The following RSAD2 variants were observed in gnomAD, a reference collection of about 807,000 sequenced individuals.
RSAD2 encodes the protein S-adenosylmethionine-dependent nucleotide dehydratase RSAD2.
A neutral mutation model predicts 37.7 loss-of-function variants in RSAD2; 38 were observed. That is an observed-to-expected ratio of 1.01 (90% confidence interval 0.78 to 1.32). RSAD2 has a LOEUF of 1.32. Among genes scored for constraint, RSAD2 ranks in the 40% most tolerant of loss-of-function variants. RSAD2 has a pLI of 0.00. For missense variants in RSAD2, 428 were observed against 437.5 expected (o/e 0.98, Z 0.19); for synonymous variants, 163 against 157.4 (o/e 1.04, Z -0.27).
chr2:6,885,992 G>T (rs570540590), intron 2 of RSAD2, among the ~76,000 whole-genome samples: 3 of 152,322 alleles, frequency 2.0e-5, no homozygotes, highest in East Asian at 3.9e-4. Flanking sequence ...CCCAAAATAG[G>T]AGTTAAAATG....
chr2:6,890,110 A>G, intron 3 of RSAD2, 66 bp from the exon 4 acceptor site: 1 of 1,489,408 alleles, frequency 6.7e-7, no homozygotes, highest in African/African-American at 1.4e-5. Context: ...GAAAAGGGGG[A>G]GTGAGGTTTG....
rs1159541837 is a variant in RSAD2, at chr2:6,896,646, A to G, written c.*704A>G. The G allele has an allele frequency of 1.3e-5, 2 of 152,142 alleles. No homozygotes were observed. Among genetic ancestry groups the G allele is most frequent in the Non-Finnish European group, 2.9e-5 (2 of 68,056 alleles). 9.4% of individuals were successfully genotyped at this position (152,142 alleles called of 1,614,324 possible). The stretch of plus-strand genomic sequence containing the variant: ...GATATGATAATCCTACCAATTTTCA[A>G]GAAGTCTCTAGAAAGAGATAACACA... On this transcript the variant is annotated 3_prime_UTR_variant, in exon 6 of 6. Transcript: ENST00000382040.
At chr2:6,890,137 A>G (rs1191624245) in intron 3 of RSAD2, 39 bp from the exon 4 acceptor site, 1 of 1,604,154 alleles carries the variant, frequency 6.2e-7, no homozygotes, top group African/African-American at 1.3e-5. Flanking sequence ...AACACGATGG[A>G]AAGCTCTCTG....
At chr2:6,890,367 C>T (rs1663605726) in intron 4 of RSAD2, 42 bp downstream of exon 4, 1 of 1,598,154 alleles carries the variant, frequency 6.3e-7, no homozygotes, top group South Asian at 1.1e-5. Flanking sequence ...ATCATACATT[C>T]AGATTGATTC....
chr2:6,890,174 A>G lies in RSAD2; in HGVS notation c.739-2A>G. On this transcript the variant is annotated splice_acceptor_variant, in intron 3 of 5. Transcript: ENST00000382040. LOFTEE classifies it high-confidence loss of function. The stretch of plus-strand genomic sequence containing the variant: ...AAAGCAAACACTACCATTGCCTTTC[A>G]GGTGTTCCAGTGCCTCTTAATTGAG... The G allele has an allele frequency of 6.2e-7, 1 of 1,613,972 alleles. No homozygotes were observed. Among genetic ancestry groups the G allele is most frequent in the South Asian group, 1.1e-5 (1 of 91,052 alleles).
chr2:6,887,741 G>C (rs575624716), intron 3 of RSAD2, among the ~76,000 whole-genome samples: 2 of 152,168 alleles, frequency 1.3e-5, no homozygotes. Flanking sequence ...TTGACTGCTC[G>C]TCAGAAGCAA....
rs372107844 is a variant in RSAD2, at chr2:6,895,850, G to A, written c.994G>A (p.Ala332Thr). The change falls in exon 6 of 6, where the codon GCT becomes ACT. Residue 332 changes from alanine to threonine, a missense_variant. Physicochemically the swap from Ala to Thr is moderately conservative, Grantham distance 58. Coordinates refer to ENST00000382040, the MANE Select transcript of RSAD2 (RefSeq NM_080657.5). Reference protein sequence around the residue: ...KSILDVGVEEAIKFSGFDEKM... With the variant: ...KSILDVGVEETIKFSGFDEKM... ...CATCCTGGATGTTGGTGTAGAAGAA[G>A]CTATAAAATTCAGTGGATTTGATGA... 5.6e-6 allele frequency: 9 copies of A among 1,614,066 alleles called. No individual in the cohort carries two copies. The African/African-American group carries it at 1.1e-4, about 19-fold the overall frequency.
intron 1 of RSAD2, among the ~76,000 whole-genome samples, chr2:6,869,904 G>C (rs1663173547): frequency 6.6e-6 from 1 of 152,198 alleles, no homozygotes; most frequent in African/African-American, 2.4e-5. Flanking sequence ...TTCCTGGAAA[G>C]CCCACCCTTT....
chr2:6,884,018 A>C (rs1484931146), intron 2 of RSAD2, among the ~76,000 whole-genome samples: 1 of 152,234 alleles, frequency 6.6e-6, no homozygotes, highest in African/African-American at 2.4e-5. Context: ...GATTCCTCGC[A>C]GTTCAGTTTT....
At chr2:6,886,146 G>A (rs1011476726) in intron 2 of RSAD2, among the ~76,000 whole-genome samples, 3 of 152,190 alleles carry the variant, frequency 2.0e-5, no homozygotes, top group African/African-American at 7.2e-5. Context: ...CAACTGCAAG[G>A]AGTGACTCAG....
At position 6,877,913 on chromosome 2, in the gene RSAD2, C is replaced by G. The variant is rs552090092; in HGVS notation, c.113C>G (p.Thr38Ser). ...LVPLFCWLRA[T>S]FWLLATKRRK... ...CCGCTGTTCTGCTGGCTGAGGGCAA[C>G]CTTCTGGCTGCTAGCTACCAAGAGG... Residue 38 changes from threonine (T) to serine (S), a missense_variant, in exon 1 of 6, where the codon ACC (threonine) becomes AGC (serine). Thr to Ser is a moderately conservative substitution (Grantham distance 58, BLOSUM62 1). Transcript: ENST00000382040. The G allele has an allele frequency of 3.1e-6, 5 of 1,614,070 alleles. No homozygotes were observed. In the South Asian group the frequency reaches 5.5e-5, roughly 18 times the overall value.
chr2:6,884,376 C>T (rs1663474288), intron 2 of RSAD2, among the ~76,000 whole-genome samples: 1 of 152,052 alleles, frequency 6.6e-6, no homozygotes, highest in Admixed American at 6.5e-5. Flanking sequence ...TTAGGAAGGG[C>T]CTACAAGCGT....
chr2:6,891,524 T>A (rs970759378), intron 4 of RSAD2, among the ~76,000 whole-genome samples: 1 of 152,046 alleles, frequency 6.6e-6, no homozygotes, highest in African/African-American at 2.4e-5. Context: ...TCCCAGCACT[T>A]TGGGGGGCTG....
At chr2:6,881,315 G>C (rs1301016700) in intron 1 of RSAD2, among the ~76,000 whole-genome samples, 2 of 152,194 alleles carry the variant, frequency 1.3e-5, no homozygotes, top group Non-Finnish European at 2.9e-5. Context: ...AGAGACATCT[G>C]AGAGTGAAAG....
At chr2:6,871,747 G>C (rs1663208511) in intron 1 of RSAD2, among the ~76,000 whole-genome samples, 1 of 152,138 alleles carries the variant, frequency 6.6e-6, no homozygotes, top group African/African-American at 2.4e-5. Flanking sequence ...TTGTCTACCA[G>C]ATTGGCTTCT....
At chr2:6,876,184 C>G (rs1663278361), upstream of RSAD2, among the ~76,000 whole-genome samples, 1 of 152,164 alleles carries the variant, frequency 6.6e-6, no homozygotes, top group African/African-American at 2.4e-5. Context: ...CTTCAAAAAG[C>G]CTCCTGGCTG....
At chr2:6,883,610 G>A (rs1234763280) in intron 2 of RSAD2, 78 bp downstream of exon 2, 1 of 1,541,288 alleles carries the variant, frequency 6.5e-7, no homozygotes, top group African/African-American at 1.4e-5. Context: ...TTCCCTCCTG[G>A]GCCTTCAGCC....
chr2:6,883,273 T>G (rs1453708568), intron 1 of RSAD2, 98 bp from the exon 2 acceptor site: 1 of 1,365,348 alleles, frequency 7.3e-7, no homozygotes, highest in Non-Finnish European at 1.0e-6. Flanking sequence ...ATGAGAAAGT[T>G]TTATTTCTTT....
chr2:6,885,116 A>C (rs2103244426), intron 2 of RSAD2, among the ~76,000 whole-genome samples: 1 of 152,288 alleles, frequency 6.6e-6, no homozygotes, highest in Admixed American at 6.5e-5. Flanking sequence ...GGTTTATTAG[A>C]ATAAAGGATA....
Sources: allele counts gnomAD v4.1 joint callset (sites outside exome capture counted in the v4.1 genomes callset), GRCh38; gene constraint gnomAD v4.1.1; transcripts MANE v1.5; gene names NCBI Gene and HGNC (gene_info 2026-07-23, HGNC 2026-07-21).